Variants in SLURP2 observed in about 807,000 individuals in gnomAD.
SLURP2 encodes secreted LY6/PLAUR domain containing 2, also known as secreted Ly-6/uPAR domain-containing protein 2.
In SLURP2, 4 loss-of-function variants were observed where a neutral mutation model predicts 9.8. The observed-to-expected ratio is 0.41, with a 90% CI of 0.20 to 0.94. SLURP2 has a LOEUF of 0.94. SLURP2 is among the 40% of genes least tolerant of loss of function. SLURP2 has a pLI of 0.32. For missense variants in SLURP2, 118 were observed against 126.4 expected, an observed-to-expected ratio of 0.93 and a Z score of 0.32; for synonymous variants, 58 against 56.2, an observed-to-expected ratio of 1.03 and a Z score of -0.15.
At chr8:142,765,356 C>T (rs1212618762) in intron 1 of SLURP2, among the ~76,000 whole-genome samples, 1 of 152,148 alleles carries the variant, frequency 6.6e-6, no homozygotes, top group Non-Finnish European at 1.5e-5. Context: ...CTGGTTGCAT[C>T]CTTGCCCAGG....
intron 1 of SLURP2, 66 bp downstream of exon 1, chr8:142,769,689 G>T: frequency 6.9e-7 from 1 of 1,452,402 alleles, no homozygotes; most frequent in East Asian, 2.3e-5. Context: ...CAGGGCTGGA[G>T]GGACGGTGGT....
chr8:142,765,962 C>CA lies in SLURP2; in HGVS notation c.53-823dup, dbSNP rs59995141. Among the ~76,000 whole-genome samples the CA allele has an allele frequency of 6.0e-3, 461 of 76,326 alleles. 6 individuals are homozygous for CA. Among genetic ancestry groups the CA allele is most frequent in the East Asian group, 7.9e-3 (24 of 3,040 alleles). The allele number at this position is 76,326 out of a possible 152,430, so 50.1% of individuals were successfully genotyped here. The stretch of plus-strand genomic sequence containing the variant: ...TGGGCGACAGAGCAAGACTCCACCT[C>CA]AAAAAAAAAAACAAAAAACAAAAAA... On this transcript the variant is annotated intron_variant, in intron 1 of 2. Transcript: ENST00000317543.
intron 1 of SLURP2, among the ~76,000 whole-genome samples, chr8:142,765,739 T>C (rs1814984837): frequency 6.6e-6 from 1 of 152,052 alleles, no homozygotes; most frequent in South Asian, 2.1e-4. Flanking sequence ...GGTGGGTGGA[T>C]CACTTGAGGT....
rs1311733912 is a variant in SLURP2, at chr8:142,765,109, G to A, written c.84C>T (p.Cys28=). The change falls in exon 2 of 3, where the codon TGC becomes TGT. Residue 28 remains cysteine, a synonymous_variant. Coordinates refer to ENST00000317543, the MANE Select transcript of SLURP2 (RefSeq NM_177458.3). ...CATGGGAGCACCCTCCGAAGCCCGT[G>A]CACTGGTGACACCATATGGCTTCGG... ...AAAEAIWCHQ[C]TGFGGCSHGS... The A allele has an allele frequency of 6.2e-7, 1 of 1,612,328 alleles. No homozygotes were observed. Among genetic ancestry groups the A allele is most frequent in the East Asian group, 2.2e-5 (1 of 44,874 alleles).
At chr8:142,766,879 C>T (rs1367368029) in intron 1 of SLURP2, among the ~76,000 whole-genome samples, 1 of 152,226 alleles carries the variant, frequency 6.6e-6, no homozygotes, top group African/African-American at 2.4e-5. Context: ...GTCACAGGCA[C>T]CAGGCGCAGG....
Position 142,764,536 on chromosome 8 carries a change from G to A in SLURP2, c.*69C>T, listed in dbSNP as rs762373757. 10 of 1,535,768 alleles carry A rather than the reference G, an allele frequency of 6.5e-6. No homozygotes were observed. The highest frequency in any genetic ancestry group is 2.0e-5 in the Admixed American group (1 of 50,110). On this transcript the variant is annotated 3_prime_UTR_variant, in exon 3 of 3. Coordinates refer to ENST00000317543, the MANE Select transcript of SLURP2 (RefSeq NM_177458.3). Reference sequence around the variant, plus strand: ...GGCCAGTCTCGAGGGAGGGGCAGCTGTGAGCCCTGGCGCCAGGCTGTGGGG... The same window carrying A: ...GGCCAGTCTCGAGGGAGGGGCAGCTATGAGCCCTGGCGCCAGGCTGTGGGG...
rs1368364763 is a variant in SLURP2, at chr8:142,769,742, C to A, written c.52+13G>T. On this transcript the variant is annotated intron_variant, in intron 1 of 2. Transcript: ENST00000317543. ...GGCCTTGAGCAGGAGGTGGCCCCAG[C>A]CCCTGGACTCACCCAGCTGCAGGCT... The A allele has an allele frequency of 3.1e-6, 5 of 1,598,870 alleles. No homozygotes were observed. The highest frequency in any genetic ancestry group is 1.7e-5 in the Admixed American group (1 of 57,224).
intron 1 of SLURP2, chr8:142,765,994 A>G (rs948994490): frequency 6.6e-6 from 1 of 152,248 alleles, no homozygotes; most frequent in African/African-American, 2.4e-5. Flanking sequence ...AAAACAAAAA[A>G]CAAAAAAAGG....
chr8:142,767,064 G>A (rs1259780488), intron 1 of SLURP2, among the ~76,000 whole-genome samples: 2 of 152,258 alleles, frequency 1.3e-5, no homozygotes, highest in South Asian at 2.1e-4. Context: ...CTGACAGCAT[G>A]GCTCTGTATG....
chr8:142,764,495 C>T lies in SLURP2; in HGVS notation c.*110G>A. 1 of 1,139,640 alleles carries T rather than the reference C, an allele frequency of 8.8e-7. No individual in the cohort carries two copies. The highest frequency in any genetic ancestry group is 1.3e-6 in the Non-Finnish European group (1 of 779,826). The allele number at this position is 1,139,640 out of a possible 1,614,324, so 70.6% of individuals were successfully genotyped here. A position where few individuals can be genotyped will look rare whatever the true frequency, so the allele number is the denominator to read the frequency against. On this transcript the variant is annotated 3_prime_UTR_variant, in exon 3 of 3. Coordinates refer to ENST00000317543, the MANE Select transcript of SLURP2 (RefSeq NM_177458.3). ...CGGTGCTGGACGGTGGCTGCAGAGG[C>T]CGGGAGAGGTGGGCTGGCCAGTCTC...
At chr8:142,769,721 T>G (rs760783548) in intron 1 of SLURP2, 34 bp downstream of exon 1, 1 of 1,586,842 alleles carries the variant, frequency 6.3e-7, no homozygotes, top group East Asian at 2.3e-5. Context: ...GATGGGGGCC[T>G]TGAGCAGGAG....
intron 1 of SLURP2, chr8:142,766,092 C>T (rs888755500): frequency 6.6e-6 from 1 of 152,254 alleles, no homozygotes; most frequent in Non-Finnish European, 1.5e-5. Flanking sequence ...TAATTCCCTG[C>T]CTGTTCCTCT....
chr8:142,765,174 A>C (rs1179226961), intron 1 of SLURP2, 34 bp from the exon 2 acceptor site: 6 of 1,566,046 alleles, frequency 3.8e-6, no homozygotes, highest in Non-Finnish European at 5.2e-6. Context: ...ACACAAACGG[A>C]TGGGAGGCAG....
intron 1 of SLURP2, among the ~76,000 whole-genome samples, chr8:142,769,508 G>C (rs1008925769): frequency 2.9e-4 from 43 of 147,220 alleles, no homozygotes; most frequent in Admixed American, 9.5e-4. Context: ...CAGAGGAAGA[G>C]GGGGGTTTGA....
chr8:142,764,863 C>T (rs1406035361), intron 2 of SLURP2, 122 bp from the exon 3 acceptor site: 1 of 1,310,604 alleles, frequency 7.6e-7, no homozygotes, highest in South Asian at 1.2e-5. Flanking sequence ...TACGGGCCCT[C>T]CTGGGGCAGA....
intron 1 of SLURP2, among the ~76,000 whole-genome samples, chr8:142,767,644 A>C (rs913108140): frequency 2.6e-5 from 4 of 151,802 alleles, no homozygotes; most frequent in Non-Finnish European, 5.9e-5. Context: ...TGCAAATGCC[A>C]CCCCCTCCAG....
intron 1 of SLURP2, among the ~76,000 whole-genome samples, chr8:142,765,686 C>T (rs1029323653): frequency 5.9e-5 from 9 of 152,062 alleles, no homozygotes; most frequent in South Asian, 2.1e-4. Flanking sequence ...GTAGGCCGGG[C>T]GCGGTGGCTC....
chr8:142,764,836 C>T (rs1814949475), intron 2 of SLURP2, 95 bp from the exon 3 acceptor site: 1 of 1,471,796 alleles, frequency 6.8e-7, no homozygotes, highest in East Asian at 2.3e-5. Context: ...GGTCAGACGC[C>T]CCAGGTACAT....
chr8:142,767,826 C>T (rs959690819), intron 1 of SLURP2, among the ~76,000 whole-genome samples: 11 of 151,990 alleles, frequency 7.2e-5, no homozygotes, highest in African/African-American at 2.2e-4. Flanking sequence ...CTGGGCAGGG[C>T]GTTCTACCCA....
Sources: gnomAD v4.1 joint callset for allele counts (sites outside exome capture counted in the v4.1 genomes callset) on GRCh38, gnomAD v4.1.1 for gene constraint, MANE v1.5 for transcripts, NCBI Gene and HGNC (gene_info 2026-07-23, HGNC 2026-07-21) for gene names.